ARHGAP21: variants seen among roughly 807,000 people sequenced by gnomAD.
ARHGAP21 encodes the protein Rho GTPase activating protein 21, also known as rho GTPase-activating protein 21.
A neutral mutation model predicts 164.6 loss-of-function variants in ARHGAP21; 38 were observed. That is an observed-to-expected ratio of 0.23 (90% CI 0.18 to 0.30). The LOEUF (loss-of-function observed/expected upper bound fraction) is 0.30, where lower values mean the gene tolerates loss of function less well. ARHGAP21 is among the 10% of genes least tolerant of loss of function. The pLI is 1.00. For missense variants in ARHGAP21, 1,822 were observed against 2,370.7 expected, an observed-to-expected ratio of 0.77 and a Z score of 4.81; for synonymous variants, 766 against 857.9, an observed-to-expected ratio of 0.89 and a Z score of 1.87.
intron 6 of ARHGAP21, among the ~76,000 whole-genome samples, chr10:24,631,192 C>T (rs1212770438): frequency 6.6e-6 from 1 of 152,008 alleles, no homozygotes; most frequent in Non-Finnish European, 1.5e-5. Flanking sequence ...GTTGAAAACT[C>T]GTCTCCACTA....
At chr10:24,623,238 C>T (rs989508838) in intron 7 of ARHGAP21, among the ~76,000 whole-genome samples, 1 of 152,156 alleles carries the variant, frequency 6.6e-6, no homozygotes, top group African/African-American at 2.4e-5. Flanking sequence ...CAGCAGACTG[C>T]AGCTGCCTTT....
In ARHGAP21 at chr10:24,723,874, C is replaced by T. The variant is rs546418482; in HGVS notation, c.-693G>A. 1.3e-4 allele frequency among the ~76,000 whole-genome samples: 19 copies of T among 151,458 alleles called. No individual in the cohort carries two copies. Among genetic ancestry groups the T allele is most frequent in the Middle Eastern group, 3.4e-3 (1 of 294 alleles). ...GCCCAGCTCCGGCGCCCGCGAACGC[C>T]AAGTGACAGAAGCGCCTCGCTCCGT... is the stretch of plus-strand genomic sequence containing the variant. On this transcript the variant is annotated 5_prime_UTR_variant, in exon 1 of 26. Coordinates refer to ENST00000396432, the MANE Select transcript of ARHGAP21 (RefSeq NM_020824.4).
chr10:24,717,910 T>C (rs1845544522), intron 2 of ARHGAP21, among the ~76,000 whole-genome samples: 1 of 152,122 alleles, frequency 6.6e-6, no homozygotes, highest in Admixed American at 6.6e-5. Flanking sequence ...GTATTTTTAG[T>C]AGGGACCGGG....
chr10:24,609,978 C>G (rs1384659967), intron 9 of ARHGAP21, among the ~76,000 whole-genome samples: 1 of 152,182 alleles, frequency 6.6e-6, no homozygotes, highest in Non-Finnish European at 1.5e-5. Context: ...TACATTAAGA[C>G]ATTAAATAAT....
intron 4 of ARHGAP21, among the ~76,000 whole-genome samples, chr10:24,660,859 T>C (rs1839613826): frequency 6.6e-6 from 1 of 152,192 alleles, no homozygotes; most frequent in Non-Finnish European, 1.5e-5. Flanking sequence ...AATTGACATA[T>C]GTAGCGGAAG....
At chr10:24,663,437 T>C (rs1839894632) in intron 4 of ARHGAP21, among the ~76,000 whole-genome samples, 1 of 152,216 alleles carries the variant, frequency 6.6e-6, no homozygotes, top group East Asian at 1.9e-4. Context: ...TCATGGCCTA[T>C]ACACTTGGAC....
intron 4 of ARHGAP21, among the ~76,000 whole-genome samples, chr10:24,652,101 A>G (rs1249605943): frequency 6.6e-6 from 1 of 152,158 alleles, no homozygotes; most frequent in South Asian, 2.1e-4. Flanking sequence ...TTTTTTTAAC[A>G]ACCCTATAAA....
intron 2 of ARHGAP21, among the ~76,000 whole-genome samples, chr10:24,695,050 C>CAAAAAAAAAAAAAAAAAAAAAAAA (rs570457905): frequency 1.4e-4 from 11 of 78,506 alleles, no homozygotes; most frequent in Non-Finnish European, 2.1e-4. Flanking sequence ...AATTCCATCT[C>CAAAAAAAAAAAAAAAAAAAAAAAA]AAAAAAAAAA....
intron 24 of ARHGAP21, 134 bp downstream of exon 24, chr10:24,591,091 G>C: frequency 4.0e-6 from 4 of 997,834 alleles, no homozygotes; most frequent in Non-Finnish European, 4.3e-6. Flanking sequence ...GGAAGATTAA[G>C]GTTTTTTATT....
chr10:24,630,799 T>C (rs1221910804), intron 6 of ARHGAP21, among the ~76,000 whole-genome samples: 1 of 152,136 alleles, frequency 6.6e-6, no homozygotes, highest in African/African-American at 2.4e-5. Context: ...AGCCAAGTAA[T>C]ATTAAACATC....
At chr10:24,603,485 T>A (rs370646355) in intron 12 of ARHGAP21, among the ~76,000 whole-genome samples, 39 of 152,224 alleles carry the variant, frequency 2.6e-4, no homozygotes, top group African/African-American at 8.7e-4. Flanking sequence ...GGATGTGGAT[T>A]CCAGGAAGGT....
rs759190537 is a variant in ARHGAP21 at position 24,584,406 on chromosome 10, C to G, written c.*6G>C. On this transcript the variant is annotated 3_prime_UTR_variant, in exon 26 of 26. Transcript: ENST00000396432. ...TTTTACTTGCTAGAGTGGACATACC[C>G]CCAGTTTAAAGACAGGGATGAAACT... 2 of 1,586,664 alleles carry G rather than the reference C, an allele frequency of 1.3e-6. No homozygotes were observed. The highest frequency in any genetic ancestry group is 1.7e-6 in the Non-Finnish European group (2 of 1,167,724).
chr10:24,643,603 G>A (rs1837290668), intron 4 of ARHGAP21, among the ~76,000 whole-genome samples: 1 of 152,200 alleles, frequency 6.6e-6, no homozygotes, highest in South Asian at 2.1e-4. Context: ...CCGTGGATCA[G>A]TATTTCAACA....
chr10:24,692,511 T>C (rs1212480469), intron 2 of ARHGAP21, among the ~76,000 whole-genome samples: 2 of 152,224 alleles, frequency 1.3e-5, no homozygotes, highest in Non-Finnish European at 2.9e-5. Context: ...AGCCAAAAGT[T>C]GGAAACAACC....
intron 24 of ARHGAP21, chr10:24,590,406 G>A: frequency 6.5e-7 from 1 of 1,535,332 alleles, no homozygotes; most frequent in South Asian, 1.2e-5. Flanking sequence ...TCTTCCTACA[G>A]TTCCAGCTGT....
intron 21 of ARHGAP21, among the ~76,000 whole-genome samples, chr10:24,592,933 T>C (rs2076401223): frequency 6.6e-6 from 1 of 152,188 alleles, no homozygotes; most frequent in Non-Finnish European, 1.5e-5. Context: ...GCTACATTAA[T>C]TTCCATATTT....
At chr10:24,713,490 G>A (rs914132820) in intron 2 of ARHGAP21, among the ~76,000 whole-genome samples, 5 of 151,886 alleles carry the variant, frequency 3.3e-5, no homozygotes, top group African/African-American at 1.2e-4. Context: ...TACTTACCCC[G>A]AAACAGATGA....
intron 14 of ARHGAP21, among the ~76,000 whole-genome samples, chr10:24,598,949 G>A (rs2076697084): frequency 6.6e-6 from 1 of 152,126 alleles, no homozygotes; most frequent in Non-Finnish European, 1.5e-5. Context: ...GATGATAATA[G>A]GACACATTCA....
Position 24,619,945 on chromosome 10 carries a change from T to C in ARHGAP21, c.1950A>G (p.Arg650=). Residue 650 remains arginine, a synonymous_variant, in exon 9 of 26, where the codon AGA becomes AGG. Transcript: ENST00000396432. ...TGTTCTGATGCAAGTGATTTACTGG[T>C]CTTTGGTCTTTGATAGAAACAAATG... ...QKSFVSIKDQ[R]PVNHLHQNSL... is the part of the protein sequence containing the mutation. 1 of 1,614,134 alleles carries C rather than the reference T, an allele frequency of 6.2e-7. No individual in the cohort carries two copies. The highest frequency in any genetic ancestry group is 8.5e-7 in the Non-Finnish European group (1 of 1,179,986).
Sources: allele counts gnomAD v4.1 joint callset (sites outside exome capture counted in the v4.1 genomes callset), GRCh38; gene constraint gnomAD v4.1.1; transcripts MANE v1.5; gene names NCBI Gene and HGNC (gene_info 2026-07-23, HGNC 2026-07-21).